The following GMDS variants were observed in gnomAD, a reference collection of about 807,000 sequenced individuals.
GMDS encodes the protein GDP-mannose 4,6 dehydratase.
A neutral mutation model predicts 49.9 loss-of-function variants in GMDS; 20 were observed. That is an observed-to-expected ratio of 0.40 (90% CI 0.28 to 0.58). The LOEUF (loss-of-function observed/expected upper bound fraction) is 0.58. Among genes scored for constraint, GMDS ranks in the 20% least tolerant of loss-of-function variants. The pLI, the probability that GMDS is intolerant of heterozygous loss-of-function variation, is 0.42. For synonymous variants in GMDS, 177 were observed against 178.6 expected (o/e 0.99, Z 0.07); for missense variants, 362 against 481.4 (o/e 0.75, Z 2.32).
intron 7 of GMDS, among the ~76,000 whole-genome samples, chr6:1,754,490 A>G (rs1287752381): frequency 6.6e-6 from 1 of 152,232 alleles, no homozygotes; most frequent in African/African-American, 2.4e-5. Context: ...AACTATTCCA[A>G]GCAAGAGAAA....
At chr6:1,828,298 A>AG (rs1194556791) in intron 7 of GMDS, among the ~76,000 whole-genome samples, 1 of 152,182 alleles carries the variant, frequency 6.6e-6, no homozygotes, top group African/African-American at 2.4e-5. Context: ...TAAGGAACTC[A>AG]AGGGACACCA....
intron 8 of GMDS, among the ~76,000 whole-genome samples, chr6:1,729,356 G>A (rs910859811): frequency 4.0e-5 from 6 of 151,880 alleles, no homozygotes; most frequent in East Asian, 1.9e-4. Flanking sequence ...CTGTCTGAAC[G>A]CTGTCTGCTG....
At chr6:1,991,949 C>A (rs534197187) in intron 4 of GMDS, among the ~76,000 whole-genome samples, 14 of 152,262 alleles carry the variant, frequency 9.2e-5, no homozygotes, top group African/African-American at 3.1e-4. Context: ...CGCAGCTCCA[C>A]GGCAAGGAAG....
At chr6:1,937,598 C>G in intron 6 of GMDS, among the ~76,000 whole-genome samples, 1 of 152,166 alleles carries the variant, frequency 6.6e-6, no homozygotes, top group East Asian at 1.9e-4. Flanking sequence ...CATTCCTTGG[C>G]TTGTGGTCCA....
intron 7 of GMDS, among the ~76,000 whole-genome samples, chr6:1,842,842 C>T (rs1175190198): frequency 6.6e-6 from 1 of 152,096 alleles, no homozygotes; most frequent in Non-Finnish European, 1.5e-5. Context: ...CAGCCAGGAG[C>T]CGTGGCTCAC....
intron 7 of GMDS, among the ~76,000 whole-genome samples, chr6:1,837,758 C>A (rs1306761375): frequency 1.3e-5 from 2 of 152,138 alleles, no homozygotes; most frequent in Non-Finnish European, 2.9e-5. Context: ...CTGGGAGTTC[C>A]TTCCCCAGTG....
At chr6:2,022,222 T>A (rs889850536) in intron 4 of GMDS, among the ~76,000 whole-genome samples, 1 of 151,820 alleles carries the variant, frequency 6.6e-6, no homozygotes, top group African/African-American at 2.4e-5. Flanking sequence ...GAAAATCTCA[T>A]AGGAGGGTAA....
intron 7 of GMDS, among the ~76,000 whole-genome samples, chr6:1,764,244 T>A (rs557744812): frequency 6.6e-6 from 1 of 152,014 alleles, no homozygotes; most frequent in East Asian, 1.9e-4. Context: ...TGAGGGTGAA[T>A]ACGAAAACAT....
At chr6:1,669,369 C>T (rs1490978558) in intron 9 of GMDS, among the ~76,000 whole-genome samples, 1 of 152,188 alleles carries the variant, frequency 6.6e-6, no homozygotes, top group Non-Finnish European at 1.5e-5. Context: ...GGCACACATA[C>T]TCTCTGGGAT....
chr6:1,671,561 T>G (rs572377467), intron 9 of GMDS, among the ~76,000 whole-genome samples: 6 of 152,254 alleles, frequency 3.9e-5, no homozygotes, highest in Admixed American at 2.6e-4. Context: ...ATCAACGATA[T>G]CATTCTGAGA....
chr6:1,911,454 A>C (rs1302375400), intron 7 of GMDS, among the ~76,000 whole-genome samples: 1 of 152,290 alleles, frequency 6.6e-6, no homozygotes, highest in African/African-American at 2.4e-5. Flanking sequence ...CACTCTGCTG[A>C]TAACCATGCT....
At chr6:1,727,672 T>C (rs1214382161) in intron 8 of GMDS, among the ~76,000 whole-genome samples, 1 of 152,136 alleles carries the variant, frequency 6.6e-6, no homozygotes, top group East Asian at 1.9e-4. Context: ...AGGTTGAGAA[T>C]TAAAGACATA....
At chr6:2,149,513 C>G (rs1269007830) in intron 1 of GMDS, among the ~76,000 whole-genome samples, 1 of 152,128 alleles carries the variant, frequency 6.6e-6, no homozygotes, top group African/African-American at 2.4e-5. Flanking sequence ...CCACCTGAAC[C>G]TAGGTCCATT....
intron 1 of GMDS, among the ~76,000 whole-genome samples, chr6:2,229,865 G>A (rs1313683316): frequency 1.3e-5 from 2 of 152,170 alleles, no homozygotes; most frequent in African/African-American, 4.8e-5. Flanking sequence ...TTGTAACCCA[G>A]TCATCCAGCA....
intron 7 of GMDS, among the ~76,000 whole-genome samples, chr6:1,865,498 G>A (rs1758399651): frequency 6.6e-6 from 1 of 152,160 alleles, no homozygotes. Flanking sequence ...CATGAAGGAA[G>A]AAGAGAAGCA....
chr6:1,780,236 T>C (rs79297282), intron 7 of GMDS, among the ~76,000 whole-genome samples: 1,593 of 152,322 alleles, frequency 0.01, 20 homozygotes, highest in African/African-American at 0.036. Context: ...TTCTAATCCT[T>C]TGGCAATGTG....
chr6:2,023,776 C>T lies in GMDS; in HGVS notation c.346-62810G>A, dbSNP rs191081963. ...CTCTAAAAGACAGAGATGAGAACAT[C>T]ATCCAAAATGCTGCACAAAAACCAA... On this transcript the variant is annotated intron_variant, in intron 4 of 10. Transcript: ENST00000380815. Among the ~76,000 whole-genome samples the T allele has an allele frequency of 7.6e-3, 1,158 of 152,158 alleles. 9 individuals carry two copies. Among genetic ancestry groups the T allele is most frequent in the Non-Finnish European group, 0.011 (756 of 67,988 alleles).
intron 7 of GMDS, among the ~76,000 whole-genome samples, chr6:1,847,837 C>T (rs935876263): frequency 2.0e-5 from 3 of 152,106 alleles, no homozygotes; most frequent in Admixed American, 1.3e-4. Flanking sequence ...TTGGTTTGTG[C>T]GGTCTGGGTG....
At chr6:1,671,819 C>A (rs906814009) in intron 9 of GMDS, among the ~76,000 whole-genome samples, 7 of 152,022 alleles carry the variant, frequency 4.6e-5, no homozygotes, top group African/African-American at 1.7e-4. Flanking sequence ...TGTGCGCCAC[C>A]ACACCCGGCT....
Sources: allele counts gnomAD v4.1 joint callset (sites outside exome capture counted in the v4.1 genomes callset), GRCh38; gene constraint gnomAD v4.1.1; transcripts MANE v1.5; gene names NCBI Gene and HGNC (gene_info 2026-07-23, HGNC 2026-07-21).